FREM2: variants seen among roughly 807,000 people sequenced by gnomAD.
FREM2 encodes the protein FRAS1-related extracellular matrix protein 2.
Under a neutral mutation model 219.9 loss-of-function variants are expected in FREM2, and 119 were observed. The ratio of observed to expected loss-of-function variants is 0.54; its 90% confidence interval spans 0.47 to 0.63. FREM2 has a LOEUF of 0.63. Among genes scored for constraint, FREM2 ranks in the 30% least tolerant of loss-of-function variants. The pLI is 0.00. For synonymous variants in FREM2, 1,562 were observed against 1,522.8 expected, an observed-to-expected ratio of 1.03 and a Z score of -0.60; for missense variants, 4,030 against 3,993.6, an observed-to-expected ratio of 1.01 and a Z score of -0.25.
chr13:38,687,879 C>A lies in FREM2; in HGVS notation c.535C>A (p.Leu179Met). ...GGAGGTGGAGGTGGTCTTCACCCAG[C>A]TGGAGGTTGTGACTCGGAACTTGCC... The part of the protein sequence containing the change: ...VLEVEVVFTQ[L>M]EVVTRNLPLV... Residue 179 changes from leucine to methionine, a missense_variant, in exon 1 of 24, where the codon CTG becomes ATG. Leu to Met is a conservative substitution (Grantham distance 15). Transcript: ENST00000280481. 6.3e-7 allele frequency: 1 copy of A among 1,577,054 alleles called. No individual in the cohort carries two copies. Among genetic ancestry groups the A allele is most frequent in the Non-Finnish European group, 8.6e-7 (1 of 1,158,254 alleles).
intron 6 of FREM2, chr13:38,821,587 T>A (rs1188721750): frequency 6.6e-6 from 1 of 152,130 alleles, no homozygotes; most frequent in African/African-American, 2.4e-5. Context: ...TTTTTCTGTC[T>A]CTCTGAAACA....
rs549303373 is a variant in FREM2 at position 38,849,850 on chromosome 13, G to C, written c.6380-188G>C. Among the ~76,000 whole-genome samples the C allele has an allele frequency of 3.9e-5, 6 of 152,282 alleles. No individual in the cohort carries two copies. In the East Asian group the frequency reaches 1.2e-3, roughly 29 times the overall value. ...CTTTACCAAACAGGCAGAGCAAAAT[G>C]TCAAAGGTAAGGAAATCAAAACTCT... is the stretch of plus-strand genomic sequence containing the variant. On this transcript the variant is annotated intron_variant, in intron 8 of 23. Transcript: ENST00000280481.
chr13:38,763,726 T>A (rs907006219), intron 2 of FREM2, among the ~76,000 whole-genome samples: 1 of 152,114 alleles, frequency 6.6e-6, no homozygotes, highest in Non-Finnish European at 1.5e-5. Context: ...GGGGAAAACC[T>A]TATCTTCAGA....
At chr13:38,813,978 T>C (rs1009197016) in intron 6 of FREM2, among the ~76,000 whole-genome samples, 4 of 152,094 alleles carry the variant, frequency 2.6e-5, no homozygotes, top group Non-Finnish European at 4.4e-5. Flanking sequence ...CCAATATTAA[T>C]AGACTCAGAT....
At position 38,691,182 on chromosome 13, in the gene FREM2, A is replaced by C; in HGVS notation, c.3838A>C (p.Lys1280Gln). Reference sequence around the variant, plus strand: ...GACCCAGGAAGACAGTTTTGTGATTAAACTAACAGATGGGAAGCACTCTGT... The same window carrying C: ...GACCCAGGAAGACAGTTTTGTGATTCAACTAACAGATGGGAAGCACTCTGT... ...SETQEDSFVI[K>Q]LTDGKHSVEK... The change falls in exon 1 of 24, where the codon AAA (lysine) becomes CAA (glutamine). Residue 1280 changes from lysine to glutamine, a missense_variant. Around this residue, in one of 2 missense-constraint regions of FREM2, gnomAD observed 3,102 missense variants for 2,950.7 expected, o/e 1.05. Coordinates refer to ENST00000280481, the MANE Select transcript of FREM2 (RefSeq NM_207361.6). The C allele has an allele frequency of 6.2e-7, 1 of 1,614,086 alleles. No individual in the cohort carries two copies. Among genetic ancestry groups the C allele is most frequent in the Non-Finnish European group, 8.5e-7 (1 of 1,180,018 alleles).
At chr13:38,702,785 G>C (rs1434491354) in intron 2 of FREM2, among the ~76,000 whole-genome samples, 1 of 152,110 alleles carries the variant, frequency 6.6e-6, no homozygotes, top group African/African-American at 2.4e-5. Flanking sequence ...ACATAGGCAT[G>C]CAGTCTCAGT....
chr13:38,826,045 T>C (rs1876270934), intron 6 of FREM2, among the ~76,000 whole-genome samples: 1 of 152,130 alleles, frequency 6.6e-6, no homozygotes, highest in Non-Finnish European at 1.5e-5. Flanking sequence ...ACAAACCATC[T>C]TAAAGACAAG....
intron 6 of FREM2, among the ~76,000 whole-genome samples, chr13:38,828,800 A>G (rs9603440): frequency 0.12 from 18,028 of 152,102 alleles, 2,078 homozygotes; most frequent in African/African-American, 0.3. Flanking sequence ...AACCCAGCTC[A>G]TTTTTAATGG....
chr13:38,820,841 CA>C (rs1250922815), intron 6 of FREM2, among the ~76,000 whole-genome samples: 1 of 152,128 alleles, frequency 6.6e-6, no homozygotes, highest in Non-Finnish European at 1.5e-5. Flanking sequence ...CATGGACTTG[CA>C]GGGCTATGAT....
At chr13:38,752,294 A>G (rs1872804430) in intron 2 of FREM2, among the ~76,000 whole-genome samples, 1 of 152,172 alleles carries the variant, frequency 6.6e-6, no homozygotes, top group African/African-American at 2.4e-5. Context: ...CTAAGTAACC[A>G]GGTATAATGC....
chr13:38,793,979 TA>T (rs1443326925), intron 6 of FREM2, among the ~76,000 whole-genome samples: 2 of 110,664 alleles, frequency 1.8e-5, no homozygotes, highest in Non-Finnish European at 4.8e-5. Flanking sequence ...GGCATGCTAG[TA>T]CGAAAGAAAT....
intron 4 of FREM2, 138 bp downstream of exon 4, chr13:38,769,946 T>A (rs1467913490): frequency 6.9e-6 from 5 of 723,616 alleles, no homozygotes; most frequent in Non-Finnish European, 1.2e-5. Context: ...AATGATTCAT[T>A]ATTCTCAGAT....
intron 11 of FREM2, among the ~76,000 whole-genome samples, chr13:38,855,851 C>T (rs1313187298): frequency 1.3e-5 from 2 of 151,796 alleles, no homozygotes; most frequent in African/African-American, 4.8e-5. Flanking sequence ...TGCAACCAAA[C>T]ACCTCCTGTT....
intron 2 of FREM2, among the ~76,000 whole-genome samples, chr13:38,708,838 C>A (rs749984727): frequency 3.4e-4 from 52 of 152,118 alleles, no homozygotes; most frequent in Admixed American, 8.5e-4. Flanking sequence ...TGGCTCACTG[C>A]AACCTCTGCC....
intron 14 of FREM2, among the ~76,000 whole-genome samples, chr13:38,860,634 A>T (rs1877727053): frequency 1.3e-5 from 2 of 152,134 alleles, no homozygotes; most frequent in Admixed American, 1.3e-4. Flanking sequence ...TCTAATACAT[A>T]TTTGTCTATT....
chr13:38,840,686 G>A (rs9315617), intron 6 of FREM2, among the ~76,000 whole-genome samples: 1 of 140,804 alleles, frequency 7.1e-6, no homozygotes, highest in Non-Finnish European at 1.5e-5. Flanking sequence ...ATACATGTGT[G>A]TATATATGTG....
At chr13:38,697,641 A>G in intron 1 of FREM2, 57 bp from the exon 2 acceptor site, 1 of 995,388 alleles carries the variant, frequency 1.0e-6, no homozygotes, top group Non-Finnish European at 1.6e-6. Flanking sequence ...ATTTACCATA[A>G]TGAATCATCA....
At chr13:38,708,926 AT>A (rs1249667399) in intron 2 of FREM2, among the ~76,000 whole-genome samples, 1 of 151,938 alleles carries the variant, frequency 6.6e-6, no homozygotes, top group Admixed American at 6.6e-5. Context: ...CGCCCAGATA[AT>A]TTTTGTATTT....
chr13:38,747,074 C>G (rs1872514221), intron 2 of FREM2, among the ~76,000 whole-genome samples: 1 of 152,136 alleles, frequency 6.6e-6, no homozygotes, highest in Admixed American at 6.5e-5. Flanking sequence ...TACATTCTAT[C>G]AGGTATTTCC....
Sources: gnomAD v4.1 joint callset for allele counts (sites outside exome capture counted in the v4.1 genomes callset) on GRCh38, gnomAD v4.1.1 for gene constraint, gnomAD v4.1.1 regional missense constraint, MANE v1.5 for transcripts, NCBI Gene and HGNC (gene_info 2026-07-23, HGNC 2026-07-21) for gene names.